Variants in SPATA3 observed in about 807,000 individuals in gnomAD.
SPATA3 encodes spermatogenesis-associated protein 3.
A neutral mutation model predicts 5.7 loss-of-function variants in SPATA3; 6 were observed. The observed-to-expected ratio is 1.06, with a 90% CI of 0.58 to 2.09. SPATA3 has a LOEUF of 2.09. Ranked by LOEUF, SPATA3 falls within the 30% of genes most tolerant of loss-of-function variation. The probability of loss-of-function intolerance (pLI) is 0.00; values close to 1 mark genes in which losing one functional copy is unlikely to be tolerated. For synonymous variants in SPATA3, 44 were observed against 48.4 expected (o/e 0.91, Z 0.37); for missense variants, 155 against 130.4 (o/e 1.19, Z -0.92).
chr2:230,996,488 A>T (rs1559192328), intron 1 of SPATA3: 1 of 1,552,126 alleles, frequency 6.4e-7, no homozygotes, highest in South Asian at 1.2e-5. Context: ...GCTGCCTTTT[A>T]TCTCCAGATG....
intron 6 of SPATA3, among the ~76,000 whole-genome samples, chr2:231,018,577 G>A (rs1692990322): frequency 6.6e-6 from 1 of 152,064 alleles, no homozygotes; most frequent in Non-Finnish European, 1.5e-5. Context: ...ATTTATTTCA[G>A]CAGACTTAAA....
intron 1 of SPATA3, chr2:230,996,151 A>G: frequency 1.4e-6 from 2 of 1,426,274 alleles, no homozygotes; most frequent in Non-Finnish European, 1.9e-6. Flanking sequence ...CTCCTAGGGC[A>G]GAGGGCAAAC....
intron 2 of SPATA3, 117 bp from the exon 3 acceptor site, chr2:231,002,567 G>T: frequency 5.5e-6 from 3 of 549,802 alleles, no homozygotes; most frequent in Non-Finnish European, 6.3e-6. Context: ...TTTGGAGAGG[G>T]GGAAGATGGG....
intron 1 of SPATA3, among the ~76,000 whole-genome samples, chr2:230,997,286 A>C (rs1328511858): frequency 2.0e-5 from 3 of 151,546 alleles, no homozygotes; most frequent in Non-Finnish European, 4.4e-5. Context: ...CCCTGCACAA[A>C]CTCTCTTCTC....
exon 2 of SPATA3, chr2:231,000,445 G>A (rs1574657747): frequency 1.9e-6 from 3 of 1,549,882 alleles, no homozygotes; most frequent in Non-Finnish European, 2.6e-6. Flanking sequence ...GTCGTCTGGG[G>A]CTATGCCATA....
intron 1 of SPATA3, among the ~76,000 whole-genome samples, chr2:230,997,628 C>T (rs143155482): frequency 3.9e-5 from 6 of 152,340 alleles, no homozygotes; most frequent in Non-Finnish European, 7.4e-5. Flanking sequence ...AGAAAGCCTT[C>T]GGCTCAACAT....
At chr2:231,002,704 C>T in exon 3 of SPATA3, 1 of 1,522,234 alleles carries the variant, frequency 6.6e-7, no homozygotes, top group Non-Finnish European at 8.8e-7. Context: ...AGAAAACCCT[C>T]CAGTCATCGT....
chr2:231,015,530 G>A (rs1028601178), intron 6 of SPATA3, among the ~76,000 whole-genome samples: 1 of 152,176 alleles, frequency 6.6e-6, no homozygotes, highest in Non-Finnish European at 1.5e-5. Flanking sequence ...CCACAAGGTC[G>A]TATCCTAGAG....
chr2:231,010,021 T>C (rs1399148495), downstream of SPATA3, among the ~76,000 whole-genome samples: 2 of 152,064 alleles, frequency 1.3e-5, no homozygotes, highest in Admixed American at 6.5e-5. Flanking sequence ...GAAAGAAGAG[T>C]GAGCAGGTAT....
At chr2:231,016,968 A>G (rs762824192) in intron 6 of SPATA3, among the ~76,000 whole-genome samples, 52 of 152,276 alleles carry the variant, frequency 3.4e-4, no homozygotes, top group Admixed American at 3.9e-4. Flanking sequence ...TTTATACTAC[A>G]TATTTGTTGT....
chr2:231,005,475 TCAC>T (rs1229154307), downstream of SPATA3, among the ~76,000 whole-genome samples: 58 of 15,614 alleles, frequency 3.7e-3, 2 homozygotes, highest in African/African-American at 0.012. Flanking sequence ...ACCACCATCA[TCAC>T]CACCACCACC....
downstream of SPATA3, among the ~76,000 whole-genome samples, chr2:231,006,201 G>GAAAAA (rs34214730): frequency 9.6e-6 from 1 of 104,050 alleles, no homozygotes; most frequent in African/African-American, 3.8e-5. Context: ...CCTGTCTCAA[G>GAAAAA]AAAAAAAAAA....
At chr2:231,004,503 C>A (rs981104514), downstream of SPATA3, among the ~76,000 whole-genome samples, 4 of 152,058 alleles carry the variant, frequency 2.6e-5, no homozygotes, top group Non-Finnish European at 5.9e-5. Flanking sequence ...CTAGTGGGGA[C>A]AATAATAACT....
At chr2:231,013,577 A>C (rs1340808702) in intron 5 of SPATA3, among the ~76,000 whole-genome samples, 1 of 150,490 alleles carries the variant, frequency 6.6e-6, no homozygotes, top group Admixed American at 6.6e-5. Context: ...CGCAATCTCC[A>C]CCTCCCAGGT....
intron 6 of SPATA3, among the ~76,000 whole-genome samples, chr2:231,015,257 C>CATTT (rs1553552584): frequency 1.1e-5 from 1 of 94,128 alleles, no homozygotes; most frequent in African/African-American, 4.8e-5. Context: ...ATCGTTTTGG[C>CATTT]TTTTTTTTTT....
Position 231,015,257 on chromosome 2 carries a change from CTTTTTTTTTTTTT to C in SPATA3, c.*565+1055_*565+1067del, listed in dbSNP as rs35102459. Among the ~76,000 whole-genome samples the C allele has an allele frequency of 4.3e-5, 4 of 94,114 alleles. No homozygotes were observed. The East Asian group carries it at 1.1e-3, about 25-fold the overall frequency. The allele number at this position is 94,114 out of a possible 152,430, so 61.7% of individuals were successfully genotyped here. On this transcript the variant is annotated intron_variant, in intron 6 of 8. Coordinates refer to the SPATA3 transcript ENST00000452881. ...CACACCCAGCTAACTATCGTTTTGG[CTTTTTTTTTTTTT>C]TTTTTTTTTGGTAGAAACAGGGTTT...
chr2:231,019,861 A>T (rs1212471375), exon 7 of SPATA3: 1 of 150,790 alleles, frequency 6.6e-6, no homozygotes, highest in Non-Finnish European at 1.5e-5. Context: ...GTGCATGGAC[A>T]TGCTGAACTG....
rs1692115685 is a variant in SPATA3, at chr2:230,996,286, C to T, written c.791-4080C>T. On this transcript the variant is annotated intron_variant, in intron 1 of 2. Transcript: ENST00000645363. ...GAGGCCAGACGCCACCGAGACTCCA[C>T]CTCCCAGCATGCTAGCTCCAATTCC... 4.5e-6 allele frequency: 7 copies of T among 1,551,940 alleles called. No homozygotes were observed. In the East Asian group the frequency reaches 1.5e-4, roughly 33 times the overall value.
Position 231,015,515 on chromosome 2 carries a change from T to C in SPATA3, c.*565+1303T>C, listed in dbSNP as rs192083302. On this transcript the variant is annotated intron_variant, in intron 6 of 8. Transcript: ENST00000452881. ...CTGGCCAGCGGCCTCCCTTGCAGGA[T>C]TGACCCACAAGGTCGTATCCTAGAG... Among the ~76,000 whole-genome samples the C allele has an allele frequency of 6.6e-3, 1,005 of 152,264 alleles. 6 individuals carry two copies. Among genetic ancestry groups the C allele is most frequent in the Non-Finnish European group, 0.01 (706 of 68,000 alleles).
Sources: gnomAD v4.1 joint callset for allele counts (sites outside exome capture counted in the v4.1 genomes callset) on GRCh38, gnomAD v4.1.1 for gene constraint, MANE v1.5 for transcripts, NCBI Gene and HGNC (gene_info 2026-07-23, HGNC 2026-07-21) for gene names.